Variants in HS3ST4 observed in about 807,000 individuals in gnomAD.
HS3ST4 encodes the protein heparan sulfate-glucosamine 3-sulfotransferase 4.
Under a neutral mutation model 29.2 loss-of-function variants are expected in HS3ST4, and 17 were observed. That is an observed-to-expected ratio of 0.58 (90% CI 0.40 to 0.87). The LOEUF is 0.87. Ranked by LOEUF, HS3ST4 falls within the 40% of genes least tolerant of loss-of-function variation. The probability of loss-of-function intolerance (pLI) is 0.00; values close to 1 mark genes in which losing one functional copy is unlikely to be tolerated. For missense variants in HS3ST4, 627 were observed against 634.5 expected (o/e 0.99, Z 0.13); for synonymous variants, 314 against 285.7 (o/e 1.10, Z -1.00).
At chr16:25,806,615 G>C (rs1209731436) in intron 1 of HS3ST4, among the ~76,000 whole-genome samples, 1 of 151,854 alleles carries the variant, frequency 6.6e-6, no homozygotes, top group Non-Finnish European at 1.5e-5. Flanking sequence ...TTTTTTAATT[G>C]AACTTTTTAT....
At chr16:25,815,568 C>A (rs1032638937) in intron 1 of HS3ST4, among the ~76,000 whole-genome samples, 12 of 152,142 alleles carry the variant, frequency 7.9e-5, no homozygotes, top group African/African-American at 2.9e-4. Context: ...AGGTGATCCA[C>A]CCCCTTGACC....
At chr16:25,807,339 G>T (rs187419560) in intron 1 of HS3ST4, among the ~76,000 whole-genome samples, 42 of 152,184 alleles carry the variant, frequency 2.8e-4, no homozygotes, top group African/African-American at 9.4e-4. Flanking sequence ...CTAATCCCTG[G>T]CAACTATGAA....
intron 1 of HS3ST4, among the ~76,000 whole-genome samples, chr16:25,852,847 T>A (rs1967535428): frequency 6.6e-6 from 1 of 152,216 alleles, no homozygotes; most frequent in Admixed American, 6.5e-5. Context: ...ATTTTTAACG[T>A]TGAAGTTTTT....
intron 1 of HS3ST4, among the ~76,000 whole-genome samples, chr16:26,104,964 C>T (rs1899033230): frequency 6.6e-6 from 1 of 152,170 alleles, no homozygotes; most frequent in South Asian, 2.1e-4. Context: ...TTATCTTCAT[C>T]CAAGCCATCA....
intron 1 of HS3ST4, among the ~76,000 whole-genome samples, chr16:25,707,146 C>T (rs76450589): frequency 0.024 from 3,711 of 152,134 alleles, 65 homozygotes; most frequent in East Asian, 0.07. Flanking sequence ...GTGTGAGTAA[C>T]CTTTACTTTA....
chr16:26,002,507 G>A (rs1431779904), intron 1 of HS3ST4, among the ~76,000 whole-genome samples: 1 of 152,078 alleles, frequency 6.6e-6, no homozygotes, highest in Non-Finnish European at 1.5e-5. Context: ...CTTGCTGACT[G>A]GAAATCTGAC....
intron 1 of HS3ST4, among the ~76,000 whole-genome samples, chr16:25,986,898 C>A (rs1484980912): frequency 6.6e-6 from 1 of 152,226 alleles, no homozygotes; most frequent in African/African-American, 2.4e-5. Flanking sequence ...ACATCTCAGG[C>A]TTGGCAATTA....
intron 1 of HS3ST4, among the ~76,000 whole-genome samples, chr16:26,047,394 C>T (rs547528466): frequency 6.6e-6 from 1 of 152,310 alleles, no homozygotes; most frequent in East Asian, 1.9e-4. Context: ...CTGTAGCAAC[C>T]TTTCATTTAT....
At chr16:25,723,976 T>C (rs1357949700) in intron 1 of HS3ST4, among the ~76,000 whole-genome samples, 1 of 151,968 alleles carries the variant, frequency 6.6e-6, no homozygotes, top group Non-Finnish European at 1.5e-5. Flanking sequence ...TAGCTGGGTG[T>C]GTCGGCGGGT....
chr16:25,781,132 T>C (rs1475591170), intron 1 of HS3ST4, among the ~76,000 whole-genome samples: 2 of 152,194 alleles, frequency 1.3e-5, no homozygotes, highest in Admixed American at 1.3e-4. Flanking sequence ...CTCTGTCTTC[T>C]ACCTCACCTA....
At chr16:25,995,123 C>G (rs1283659790) in intron 1 of HS3ST4, among the ~76,000 whole-genome samples, 1 of 152,172 alleles carries the variant, frequency 6.6e-6, no homozygotes, top group Non-Finnish European at 1.5e-5. Context: ...GTGAATTGTA[C>G]TATTCCTCTG....
intron 1 of HS3ST4, among the ~76,000 whole-genome samples, chr16:25,728,322 T>C (rs1331456483): frequency 6.6e-6 from 1 of 152,172 alleles, no homozygotes; most frequent in Non-Finnish European, 1.5e-5. Flanking sequence ...GTAAGTTTAT[T>C]ATATTCAGCT....
intron 1 of HS3ST4, among the ~76,000 whole-genome samples, chr16:25,974,379 A>C (rs1179819242): frequency 6.6e-6 from 1 of 152,312 alleles, no homozygotes; most frequent in Middle Eastern, 3.4e-3. Context: ...TAAGCCGCTT[A>C]GCCATTTTTC....
At chr16:26,052,528 G>A (rs1462385942) in intron 1 of HS3ST4, among the ~76,000 whole-genome samples, 2 of 152,002 alleles carry the variant, frequency 1.3e-5, no homozygotes, top group East Asian at 1.9e-4. Context: ...CCACCACCAC[G>A]CCTGGCTAAT....
At chr16:26,045,264 AC>A (rs2141761480) in intron 1 of HS3ST4, among the ~76,000 whole-genome samples, 1 of 152,020 alleles carries the variant, frequency 6.6e-6, no homozygotes, top group East Asian at 1.9e-4. Context: ...AATGACCTCT[AC>A]CCTTTCTGAA....
At chr16:25,715,899 C>A (rs1299119165) in intron 1 of HS3ST4, among the ~76,000 whole-genome samples, 1 of 152,172 alleles carries the variant, frequency 6.6e-6, no homozygotes, top group African/African-American at 2.4e-5. Context: ...TTGTATATAT[C>A]CAGAGAGCAA....
chr16:25,994,409 T>G (rs938379396), intron 1 of HS3ST4, among the ~76,000 whole-genome samples: 7 of 152,284 alleles, frequency 4.6e-5, no homozygotes, highest in Non-Finnish European at 7.4e-5. Flanking sequence ...TCATCTTATT[T>G]ATATTGGCTA....
At chr16:25,912,515 A>G (rs1486192011) in intron 1 of HS3ST4, among the ~76,000 whole-genome samples, 1 of 152,092 alleles carries the variant, frequency 6.6e-6, no homozygotes, top group Non-Finnish European at 1.5e-5. Context: ...CTGCTGACTC[A>G]GGATCTCAAG....
At chr16:25,873,654 G>C (rs145878721) in intron 1 of HS3ST4, among the ~76,000 whole-genome samples, 1 of 32,970 alleles carries the variant, frequency 3.0e-5, no homozygotes, top group African/African-American at 1.1e-4. Context: ...CCATCCATCC[G>C]TCCGTCCATC....
Sources: gnomAD v4.1 joint callset for allele counts (sites outside exome capture counted in the v4.1 genomes callset) on GRCh38, gnomAD v4.1.1 for gene constraint, MANE v1.5 for transcripts, NCBI Gene and HGNC (gene_info 2026-07-23, HGNC 2026-07-21) for gene names.